Variants in ZEB2 observed in about 807,000 individuals in gnomAD.
The protein encoded by ZEB2 is zinc finger E-box-binding homeobox 2.
Under a neutral mutation model 99.9 loss-of-function variants are expected in ZEB2, and 6 were observed. That is an observed-to-expected ratio of 0.06 (90% CI 0.03 to 0.12). The LOEUF is 0.12. Among genes scored for constraint, ZEB2 ranks in the 10% least tolerant of loss-of-function variants. The probability of loss-of-function intolerance (pLI) is 1.00; values close to 1 mark genes in which losing one functional copy is unlikely to be tolerated. For synonymous variants in ZEB2, 517 were observed against 542.5 expected, an observed-to-expected ratio of 0.95 and a Z score of 0.65; for missense variants, 969 against 1,502.8, an observed-to-expected ratio of 0.64 and a Z score of 5.87.
At chr2:144,441,542 T>TC (rs1461911806) in intron 2 of ZEB2, among the ~76,000 whole-genome samples, 1 of 114,546 alleles carries the variant, frequency 8.7e-6, no homozygotes, top group Admixed American at 9.2e-5. Context: ...ATTAATTTTC[T>TC]AAAAAAAAAA....
chr2:144,399,110 C>T lies in ZEB2; in HGVS notation c.2077G>A (p.Glu693Lys). The T allele has an allele frequency of 6.2e-7, 1 of 1,614,108 alleles. No individual in the cohort carries two copies. The highest frequency in any genetic ancestry group is 8.5e-7 in the Non-Finnish European group (1 of 1,180,014). ...GAGTACTGGTAGACTTTTCGTTGTT[C>T]AAACCATTCCTTCACAAATTCCTGA... ...LPQEFVKEWF[E>K]QRKVYQYSNS... is the part of the protein sequence containing the mutation. Residue 693 changes from glutamate (E) to lysine (K), a missense_variant, in exon 8 of 10, where the codon GAA becomes AAA. Glu to Lys is a moderately conservative substitution (Grantham distance 56). This residue lies in a region of ZEB2 where 346 missense variants were observed against 460.0 expected (regional missense o/e 0.75). Transcript: ENST00000627532. The surrounding 1 kb of genome is among the most constrained non-coding windows in gnomAD (Gnocchi z 5.6).
intron 4 of ZEB2, among the ~76,000 whole-genome samples, chr2:144,420,852 T>C (rs1703609923): frequency 6.6e-6 from 1 of 152,146 alleles, no homozygotes; most frequent in Admixed American, 6.5e-5. Flanking sequence ...CTGACAAGAA[T>C]GGAGCGCCAT....
At chr2:144,404,679 A>G (rs1189625490) in intron 5 of ZEB2, among the ~76,000 whole-genome samples, 157 bp downstream of exon 5, 2 of 152,268 alleles carry the variant, frequency 1.3e-5, no homozygotes, top group African/African-American at 4.8e-5. Flanking sequence ...AAATTTCACA[A>G]TACCCTAAAA....
chr2:144,417,950 T>G (rs1560615471), intron 4 of ZEB2, among the ~76,000 whole-genome samples: 1 of 152,196 alleles, frequency 6.6e-6, no homozygotes, highest in African/African-American at 2.4e-5. Flanking sequence ...CGAATATTAA[T>G]ATGTAAAATT....
chr2:144,462,043 C>T (rs1026109657), intron 2 of ZEB2: 6 of 152,134 alleles, frequency 3.9e-5, no homozygotes, highest in African/African-American at 1.4e-4. Flanking sequence ...ACCACAGCCA[C>T]TCTTTGCCAT....
At chr2:144,473,014 A>G (rs976057391) in intron 2 of ZEB2, among the ~76,000 whole-genome samples, 3 of 152,212 alleles carry the variant, frequency 2.0e-5, no homozygotes, top group African/African-American at 7.2e-5. Context: ...GTGTTATTAA[A>G]TAAAGTAAGC....
intron 2 of ZEB2, among the ~76,000 whole-genome samples, chr2:144,476,095 A>G (rs1418518228): frequency 3.3e-5 from 5 of 152,170 alleles, no homozygotes; most frequent in Admixed American, 2.0e-4. Context: ...AACTTAGTTT[A>G]CTTACTGCTC....
In ZEB2 at chr2:144,389,452, T is replaced by G; in HGVS notation, c.3644A>C (p.Ter1215SerextTer1). The G allele has an allele frequency of 6.2e-7, 1 of 1,614,192 alleles. No individual in the cohort carries two copies. Among genetic ancestry groups the G allele is most frequent in the Non-Finnish European group, 8.5e-7 (1 of 1,180,034 alleles). The change falls in exon 10 of 10, where the codon TAA becomes TCA. Residue 1215 changes from the stop codon to serine (S), a stop_lost. Transcript: ENST00000627532. This position sits in a 1 kb window ranked among gnomAD's most constrained non-coding sequence, Gnocchi z 6.8. ...GGAAGCTTAAAATGCAGTAGTTTAT[T>G]ACATGCCATCTTCCATATTGTCTTC... is the stretch of plus-strand genomic sequence containing the variant. Reference protein sequence around the residue: ...HEEDNMEDGM* With the variant: ...HEEDNMEDGMS
At chr2:144,443,485 A>G (rs994427998) in intron 2 of ZEB2, among the ~76,000 whole-genome samples, 22 of 152,212 alleles carry the variant, frequency 1.4e-4, no homozygotes, top group Non-Finnish European at 2.4e-4. Context: ...TGTAAGATTA[A>G]TTATAATGCT....
At chr2:144,441,175 G>GAGAGAGAGAGAGAC (rs1703912334) in intron 2 of ZEB2, among the ~76,000 whole-genome samples, 1 of 147,160 alleles carries the variant, frequency 6.8e-6, no homozygotes, top group African/African-American at 2.5e-5. Flanking sequence ...GAGAGAGAGA[G>GAGAGAGAGAGAGAC]AGAGAGAGAG....
At chr2:144,498,702 G>A (rs1408328013) in intron 2 of ZEB2, among the ~76,000 whole-genome samples, 2 of 152,152 alleles carry the variant, frequency 1.3e-5, no homozygotes, top group African/African-American at 4.8e-5. Flanking sequence ...ACAACCAGCT[G>A]AGCTGTCACC....
At chr2:144,497,937 A>T (rs1272463506) in intron 2 of ZEB2, among the ~76,000 whole-genome samples, 1 of 16,578 alleles carries the variant, frequency 6.0e-5, no homozygotes, top group African/African-American at 2.7e-4. Context: ...AATATATATT[A>T]ATATTATATA....
chr2:144,393,715 G>T (rs1032689831), intron 9 of ZEB2, among the ~76,000 whole-genome samples: 2 of 152,158 alleles, frequency 1.3e-5, no homozygotes, highest in Non-Finnish European at 2.9e-5. Flanking sequence ...AATGTCATGA[G>T]ATGTTTGGTC....
At chr2:144,450,736 C>T (rs1201881783) in intron 2 of ZEB2, among the ~76,000 whole-genome samples, 1 of 152,160 alleles carries the variant, frequency 6.6e-6, no homozygotes, top group Non-Finnish European at 1.5e-5. Context: ...AGTGCAGTGG[C>T]ATGACCTTGG....
chr2:144,464,228 T>G (rs1365080959), intron 2 of ZEB2: 1 of 152,178 alleles, frequency 6.6e-6, no homozygotes, highest in Non-Finnish European at 1.5e-5. Context: ...CGTAAATGTT[T>G]TGAGGAAATT....
At chr2:144,409,325 A>G (rs745648064) in intron 4 of ZEB2, among the ~76,000 whole-genome samples, 27 of 152,152 alleles carry the variant, frequency 1.8e-4, no homozygotes, top group Non-Finnish European at 3.2e-4. Context: ...GAAAGTTTGT[A>G]TGTTTGTTTT....
At position 144,441,163 on chromosome 2, in the gene ZEB2, A is replaced by ATGAGAGAGAG. The variant is rs1703911051; in HGVS notation, c.74-11138_74-11137insCTCTCTCTCA. On this transcript the variant is annotated intron_variant, in intron 2 of 9. Coordinates refer to ENST00000627532, the MANE Select transcript of ZEB2 (RefSeq NM_014795.4). ...TCCTTCCTTCTCTTCCTTTAGCTGC[A>ATGAGAGAGAG]CGAGAGAGAGAGAGAGAGAGAGAGA... Among the ~76,000 whole-genome samples, 7 of 20,666 alleles carry ATGAGAGAGAG rather than the reference A, an allele frequency of 3.4e-4. No homozygotes were observed. The Admixed American group carries it at 4.8e-3, about 14-fold the overall frequency. 13.6% of individuals were successfully genotyped at this position (20,666 alleles called of 152,430 possible).
intron 2 of ZEB2, among the ~76,000 whole-genome samples, chr2:144,441,056 G>A (rs13401103): frequency 0.069 from 10,153 of 147,562 alleles, 406 homozygotes; most frequent in Middle Eastern, 0.12. Flanking sequence ...CTAGTTTGCC[G>A]CCACCAGACA....
At position 144,429,886 on chromosome 2, in the gene ZEB2, G is replaced by T; in HGVS notation, c.214C>A (p.Pro72Thr). ...GGCAACAGAGCTTGGCTCACGTGTG[G>T]GGAGGACTCATGGTTGGGCACACTA... is the stretch of plus-strand genomic sequence containing the variant. ...PASVPNHESS[P>T]HVSQALLPRE... The change falls in exon 3 of 10, where the codon CCA (proline) becomes ACA (threonine). Residue 72 changes from proline (P) to threonine (T), a missense_variant. This residue lies in a region of ZEB2 where 173 missense variants were observed against 217.7 expected (regional missense o/e 0.79). Transcript: ENST00000627532. 1 of 1,613,790 alleles carries T rather than the reference G, an allele frequency of 6.2e-7. No homozygotes were observed. Among genetic ancestry groups the T allele is most frequent in the Non-Finnish European group, 8.5e-7 (1 of 1,179,872 alleles).
Sources: gnomAD v4.1 joint callset for allele counts (sites outside exome capture counted in the v4.1 genomes callset) on GRCh38, gnomAD v4.1.1 for gene constraint, gnomAD v4.1.1 regional missense constraint, Gnocchi (gnomAD v3.1) non-coding constraint, MANE v1.5 for transcripts, NCBI Gene and HGNC (gene_info 2026-07-23, HGNC 2026-07-21) for gene names.